ASB7: variants seen among roughly 807,000 people sequenced by gnomAD.
ASB7 encodes the protein ankyrin repeat and SOCS box protein 7.
ASB7 carries 4 observed loss-of-function variants against 32.5 expected under a neutral mutation model. That is an observed-to-expected ratio of 0.12 (90% CI 0.06 to 0.28). ASB7 has a LOEUF of 0.28. ASB7 is among the 10% of genes least tolerant of loss of function. The pLI, the probability that ASB7 is intolerant of heterozygous loss-of-function variation, is 1.00. For missense variants in ASB7, 181 were observed against 407.1 expected (o/e 0.44, Z 4.78); for synonymous variants, 172 against 155.6 (o/e 1.11, Z -0.78).
intron 4 of ASB7, among the ~76,000 whole-genome samples, chr15:100,614,820 A>G (rs1184571967): frequency 6.6e-6 from 1 of 152,098 alleles, no homozygotes; most frequent in Non-Finnish European, 1.5e-5. Context: ...GCTGTATTCA[A>G]AGCTGTCCTG....
At chr15:100,635,794 C>G (rs556518846) in intron 5 of ASB7, among the ~76,000 whole-genome samples, 3 of 152,292 alleles carry the variant, frequency 2.0e-5, no homozygotes, top group Non-Finnish European at 4.4e-5. Context: ...TTTCCAGCCC[C>G]ATAAGCGAGA....
Position 100,649,365 on chromosome 15 carries a change from A to C in ASB7, c.*903A>C, listed in dbSNP as rs531925413. 1.3e-5 allele frequency: 2 copies of C among 152,322 alleles called. No homozygotes were observed. The highest frequency in any genetic ancestry group is 3.9e-4 in the East Asian group (2 of 5,188). The allele number at this position is 152,322 out of a possible 1,614,324, so 9.4% of individuals were successfully genotyped here. On this transcript the variant is annotated 3_prime_UTR_variant, in exon 6 of 6. Coordinates refer to ENST00000332783, the MANE Select transcript of ASB7 (RefSeq NM_198243.3). ...TGTCACTGCAGAGCCATCGTATGTC[A>C]GTTGCAATTTCCATCTGAAGCTATG...
rs2040017151 is a variant in ASB7, at chr15:100,649,470, T to C, written c.*1008T>C. 6.6e-6 allele frequency: 1 copy of C among 152,210 alleles called. No homozygotes were observed. Among genetic ancestry groups the C allele is most frequent in the Non-Finnish European group, 1.5e-5 (1 of 68,026 alleles). The allele number at this position is 152,210 out of a possible 1,614,324, so 9.4% of individuals were successfully genotyped here. A position where few individuals can be genotyped will look rare whatever the true frequency, so the allele number is the denominator to read the frequency against. ...TTAAAAATTGTTAAATCATTTGGCTTTAATGGTTCAATAATTTGGGGTGGC... is the reference window on the plus strand; with the variant it reads ...TTAAAAATTGTTAAATCATTTGGCTCTAATGGTTCAATAATTTGGGGTGGC... On this transcript the variant is annotated 3_prime_UTR_variant, in exon 6 of 6. Transcript: ENST00000332783.
intron 4 of ASB7, among the ~76,000 whole-genome samples, chr15:100,618,618 G>T (rs12907972): frequency 0.31 from 42,737 of 137,254 alleles, 7,167 homozygotes; most frequent in South Asian, 0.47. Flanking sequence ...CCTGCTGTGT[G>T]TGTGGTGTGT....
chr15:100,614,015 G>GT (rs1442272975), intron 4 of ASB7, among the ~76,000 whole-genome samples: 1 of 152,174 alleles, frequency 6.6e-6, no homozygotes, highest in Non-Finnish European at 1.5e-5. Context: ...GCTCACGCCT[G>GT]TAATCCCAGC....
chr15:100,617,649 T>C (rs140968449), intron 4 of ASB7, among the ~76,000 whole-genome samples: 4 of 152,380 alleles, frequency 2.6e-5, no homozygotes, highest in Middle Eastern at 3.4e-3. Flanking sequence ...GTTCCCTGTG[T>C]GATGTTATCC....
chr15:100,610,427 G>A (rs1301779507), intron 3 of ASB7, among the ~76,000 whole-genome samples: 1 of 151,606 alleles, frequency 6.6e-6, no homozygotes, highest in African/African-American at 2.4e-5. Context: ...CCCGGGAGGT[G>A]GAGGTTGCAG....
rs1474580018 is a variant in ASB7, at chr15:100,650,214, A to G, written c.*1752A>G. 2 of 152,222 alleles carry G rather than the reference A, an allele frequency of 1.3e-5. No individual in the cohort carries two copies. Among genetic ancestry groups the G allele is most frequent in the African/African-American group, 4.8e-5 (2 of 41,438 alleles). The allele number at this position is 152,222 out of a possible 1,614,324, so 9.4% of individuals were successfully genotyped here. On this transcript the variant is annotated 3_prime_UTR_variant, in exon 6 of 6. Transcript: ENST00000332783. ...GTGGCCAGTTCTATAACCATCCCCA[A>G]ACTAGCTGGAGCCTGATGGATAGGA...
intron 5 of ASB7, among the ~76,000 whole-genome samples, chr15:100,632,584 A>T (rs1424040009): frequency 6.6e-6 from 1 of 152,156 alleles, no homozygotes; most frequent in African/African-American, 2.4e-5. Context: ...ATCAAAGCTG[A>T]GAGCTTCTTC....
Position 100,629,308 on chromosome 15 carries a change from T to C in ASB7, c.212-129T>C. 1 of 811,708 alleles carries C rather than the reference T, an allele frequency of 1.2e-6. No homozygotes were observed. The highest frequency in any genetic ancestry group is 2.0e-6 in the Non-Finnish European group (1 of 510,248). 50.3% of individuals were successfully genotyped at this position (811,708 alleles called of 1,614,324 possible). On this transcript the variant is annotated intron_variant, in intron 4 of 5. Transcript: ENST00000332783. The surrounding 1 kb of genome is among the most constrained non-coding windows in gnomAD (Gnocchi z 6.8). ...GAATTAAACTGAGGAAAAACGTACT[T>C]GATATTCATTACAGTGTTTGGTTGC...
At chr15:100,604,083 C>G (rs1300514730) in intron 2 of ASB7, among the ~76,000 whole-genome samples, 4 of 152,188 alleles carry the variant, frequency 2.6e-5, no homozygotes, top group Non-Finnish European at 5.9e-5. Context: ...AATCGTTTGA[C>G]TCAGGAATTT....
chr15:100,610,868 C>T (rs966842630), intron 3 of ASB7, among the ~76,000 whole-genome samples: 6 of 152,180 alleles, frequency 3.9e-5, no homozygotes, highest in African/African-American at 1.4e-4. Flanking sequence ...TGAGTCTAAT[C>T]TATTCCTTCC....
chr15:100,614,285 A>AAAG lies in ASB7; in HGVS notation c.211+1860_211+1861insGAA, dbSNP rs1425797903. 5.2e-4 allele frequency among the ~76,000 whole-genome samples: 79 copies of AAAG among 151,686 alleles called. 1 individual carries two copies. The highest frequency in any genetic ancestry group is 4.3e-3 in the Admixed American group (66 of 15,220). On this transcript the variant is annotated intron_variant, in intron 4 of 5. Coordinates refer to ENST00000332783, the MANE Select transcript of ASB7 (RefSeq NM_198243.3). ...TGAAACTCTGCTCAAAAAAAAAAAA[A>AAAG]AAAGAAAGAAAGAAAGAAAGAAAAA...
chr15:100,612,450 T>C (rs764320873), intron 4 of ASB7, 23 bp downstream of exon 4: 219 of 1,559,538 alleles, frequency 1.4e-4, no homozygotes, highest in Non-Finnish European at 1.8e-4. Context: ...GAAGCAAATC[T>C]TTTTCCCCAT....
In ASB7 at chr15:100,607,158, A is replaced by T. The variant is rs1342415866; in HGVS notation, c.-173-2549A>T. Among the ~76,000 whole-genome samples the T allele has an allele frequency of 2.6e-5, 4 of 152,228 alleles. No homozygotes were observed. In the East Asian group the frequency reaches 7.7e-4, roughly 29 times the overall value. On this transcript the variant is annotated intron_variant, in intron 2 of 5. Transcript: ENST00000332783. ...TAGAGCGAGCCTCCGTCTCAAAAAA[A>T]AAAAAAAGAAAATTACTTCCTTTGC...
rs866291144 is a variant in ASB7 at position 100,621,779 on chromosome 15, T to A, written c.212-7658T>A. 9.3e-5 allele frequency among the ~76,000 whole-genome samples: 14 copies of A among 150,576 alleles called. No individual in the cohort carries two copies. The East Asian group carries it at 2.7e-3, about 29-fold the overall frequency. ...AGTGGAATTGAAAATGGGCAAATGA[T>A]AGAGAAGATAGATGGAACTAAAAAA... On this transcript the variant is annotated intron_variant, in intron 4 of 5. Transcript: ENST00000332783.
At chr15:100,608,638 G>A (rs1047745068) in intron 2 of ASB7, among the ~76,000 whole-genome samples, 1 of 152,082 alleles carries the variant, frequency 6.6e-6, no homozygotes, top group African/African-American at 2.4e-5. Flanking sequence ...TATAAGGATC[G>A]CTTTGCATGT....
At chr15:100,637,090 A>G (rs1457152924) in intron 5 of ASB7, among the ~76,000 whole-genome samples, 1 of 152,228 alleles carries the variant, frequency 6.6e-6, no homozygotes, top group African/African-American at 2.4e-5. Flanking sequence ...TGTTCCTGCG[A>G]ATGCTTTTTA....
At chr15:100,607,743 C>T (rs2039658863) in intron 2 of ASB7, among the ~76,000 whole-genome samples, 1 of 152,186 alleles carries the variant, frequency 6.6e-6, no homozygotes, top group Admixed American at 6.5e-5. Flanking sequence ...TATCACTGTG[C>T]CACGTTAAGT....
Sources: gnomAD v4.1 joint callset for allele counts (sites outside exome capture counted in the v4.1 genomes callset) on GRCh38, gnomAD v4.1.1 for gene constraint, Gnocchi (gnomAD v3.1) non-coding constraint, MANE v1.5 for transcripts, NCBI Gene and HGNC (gene_info 2026-07-23, HGNC 2026-07-21) for gene names.